The following RTN4 variants were observed in gnomAD, a reference collection of about 807,000 sequenced individuals.
RTN4 encodes reticulon 4, also known as reticulon-4.
A neutral mutation model predicts 90.4 loss-of-function variants in RTN4; 32 were observed. The ratio of observed to expected loss-of-function variants is 0.35; its 90% CI spans 0.27 to 0.48. RTN4 has a LOEUF of 0.48. RTN4 is among the 20% of genes least tolerant of loss of function. RTN4 has a pLI of 0.99. For synonymous variants in RTN4, 629 were observed against 552.5 expected (o/e 1.14, Z -1.94); for missense variants, 1,706 against 1,430.2 (o/e 1.19, Z -3.11).
Position 54,989,129 on chromosome 2 carries a change from T to G in RTN4, c.3014-1431A>C, listed in dbSNP as rs562521359. On this transcript the variant is annotated intron_variant, in intron 3 of 8. Coordinates refer to ENST00000337526, the MANE Select transcript of RTN4 (RefSeq NM_020532.5). ...AAGGGTACTTCTGTAGGGAAAACTA[T>G]GTATGTGAACTGCACAATGTTGGAT... Among the ~76,000 whole-genome samples, 6 of 152,216 alleles carry G rather than the reference T, an allele frequency of 3.9e-5. No homozygotes were observed. In the South Asian group the frequency reaches 1.2e-3, roughly 31 times the overall value.
intron 1 of RTN4, among the ~76,000 whole-genome samples, chr2:55,030,047 C>A (rs547968534): frequency 5.5e-4 from 83 of 152,170 alleles, no homozygotes; most frequent in African/African-American, 1.9e-3. Flanking sequence ...CAATTCTTAA[C>A]AAAATGGTTG....
At chr2:54,993,074 G>GAAA (rs1491430691) in intron 3 of RTN4, among the ~76,000 whole-genome samples, 8 of 78,990 alleles carry the variant, frequency 1.0e-4, no homozygotes, top group African/African-American at 2.8e-4. Context: ...ACTCCATCTC[G>GAAA]GAAAAAAAAA....
chr2:55,125,441 T>A, the RTN4 span, among the ~76,000 whole-genome samples: 2 of 152,138 alleles, frequency 1.3e-5, no homozygotes, highest in African/African-American at 4.8e-5. Context: ...CATTAAAAAG[T>A]GGGCGAAGGA....
At chr2:55,127,662 C>G in the RTN4 span, among the ~76,000 whole-genome samples, 31 of 152,324 alleles carry the variant, frequency 2.0e-4, no homozygotes, top group African/African-American at 7.5e-4. Flanking sequence ...GAGGCCTTGG[C>G]TCACTGATTG....
chr2:55,048,476 T>C (rs10206953), intron 1 of RTN4, among the ~76,000 whole-genome samples: 1 of 152,080 alleles, frequency 6.6e-6, no homozygotes, highest in African/African-American at 2.4e-5. Context: ...AAATTTTATA[T>C]TCTTATTCTA....
intron 1 of RTN4, among the ~76,000 whole-genome samples, chr2:55,111,012 G>A (rs771892498): frequency 6.6e-6 from 1 of 152,168 alleles, no homozygotes; most frequent in Admixed American, 6.5e-5. Flanking sequence ...CGGTACTCCA[G>A]CCGGGGCAAC....
intron 2 of RTN4, among the ~76,000 whole-genome samples, chr2:55,058,018 G>T (rs561642184): frequency 7.2e-5 from 11 of 152,062 alleles, no homozygotes; most frequent in African/African-American, 2.7e-4. Context: ...GTAGTTCAGT[G>T]GGTTTTGATC....
At chr2:55,020,995 C>T (rs1054531344) in intron 3 of RTN4, among the ~76,000 whole-genome samples, 2 of 151,242 alleles carry the variant, frequency 1.3e-5, no homozygotes, top group Admixed American at 6.6e-5. Flanking sequence ...GAACCTGTCT[C>T]GAAAAAAGAA....
At position 55,006,295 on chromosome 2, in the gene RTN4, T is replaced by G. The variant is rs1460077679; in HGVS notation, c.3014-18597A>C. On this transcript the variant is annotated intron_variant, in intron 3 of 8. Coordinates refer to ENST00000337526, the MANE Select transcript of RTN4 (RefSeq NM_020532.5). ...TAATGAATGCCTAAATATTCGGTTTTAACAAAGTTTAGAACTGAAAGGAGA... is the reference window on the plus strand; with the variant it reads ...TAATGAATGCCTAAATATTCGGTTTGAACAAAGTTTAGAACTGAAAGGAGA... Among the ~76,000 whole-genome samples, 5 of 152,310 alleles carry G rather than the reference T, an allele frequency of 3.3e-5. No homozygotes were observed. The East Asian group carries it at 9.6e-4, about 29-fold the overall frequency.
chr2:54,978,390 C>T (rs182888296), intron 5 of RTN4, among the ~76,000 whole-genome samples: 310 of 146,940 alleles, frequency 2.1e-3, no homozygotes, highest in African/African-American at 7.5e-3. Context: ...AAGATCGCAC[C>T]ACCGCCCTCC....
upstream of RTN4, among the ~76,000 whole-genome samples, chr2:55,053,707 A>AG (rs34840134): frequency 1.3e-5 from 2 of 151,600 alleles, no homozygotes; most frequent in East Asian, 3.9e-4. Flanking sequence ...AAAAAAAAAA[A>AG]GAAACAAAGA....
intron 1 of RTN4, among the ~76,000 whole-genome samples, chr2:55,085,318 C>A (rs945963900): frequency 7.0e-6 from 1 of 142,722 alleles, no homozygotes; most frequent in African/African-American, 2.5e-5. Context: ...TATACACCCA[C>A]ACACACACAC....
At chr2:55,057,419 G>C (rs1668208716) in intron 2 of RTN4, among the ~76,000 whole-genome samples, 1 of 152,164 alleles carries the variant, frequency 6.6e-6, no homozygotes, top group Non-Finnish European at 1.5e-5. Context: ...TTGAAGTAAG[G>C]ATTTGTGTTA....
chr2:54,983,925 C>T (rs1276208145), intron 4 of RTN4, among the ~76,000 whole-genome samples: 1 of 152,198 alleles, frequency 6.6e-6, no homozygotes, highest in Non-Finnish European at 1.5e-5. Context: ...TTCTGTGATT[C>T]TATGACTCCA....
intron 3 of RTN4, among the ~76,000 whole-genome samples, chr2:55,022,929 A>ACACACACACACACACACACACACAC (rs1174140956): frequency 6.7e-6 from 1 of 149,850 alleles, no homozygotes; most frequent in African/African-American, 2.5e-5. Flanking sequence ...ACACACACAC[A>ACACACACACACACACACACACACAC]CCCTGCTCTC....
intron 1 of RTN4, among the ~76,000 whole-genome samples, chr2:55,099,102 T>C (rs900641208): frequency 6.6e-6 from 1 of 152,132 alleles, no homozygotes; most frequent in African/African-American, 2.4e-5. Context: ...CTATTACTCC[T>C]TTGTTGTTTA....
At chr2:55,022,409 G>A (rs1023291403) in intron 3 of RTN4, among the ~76,000 whole-genome samples, 1 of 151,898 alleles carries the variant, frequency 6.6e-6, no homozygotes, top group Non-Finnish European at 1.5e-5. Flanking sequence ...CCTTTACCTC[G>A]CCTTCACTAA....
At position 54,973,571 on chromosome 2, in the gene RTN4, AG is replaced by A; in HGVS notation, c.3527del (p.Ala1176ValfsTer12). 1 of 1,607,278 alleles carries A rather than the reference AG, an allele frequency of 6.2e-7. No homozygotes were observed. The highest frequency in any genetic ancestry group is 8.5e-7 in the Non-Finnish European group (1 of 1,173,872). On this transcript the variant is annotated frameshift_variant, in exon 8 of 9. Coordinates refer to ENST00000337526, the MANE Select transcript of RTN4 (RefSeq NM_020532.5). LOFTEE classifies it high-confidence loss of function. ...AGATTTTAAATACTTACTTAGCCATAGCATCTTTAACATTCTTATTTGCAAG... is the reference window on the plus strand; with the variant it reads ...AGATTTTAAATACTTACTTAGCCATACATCTTTAACATTCTTATTTGCAAG... ...LGLANKNVKD[A>X]MAKIQAKIPG...
At chr2:55,087,430 A>G (rs1668861592) in intron 1 of RTN4, among the ~76,000 whole-genome samples, 1 of 152,244 alleles carries the variant, frequency 6.6e-6, no homozygotes, top group Non-Finnish European at 1.5e-5. Context: ...CATACAATGT[A>G]TAACATTGGT....
Sources: gnomAD v4.1 joint callset for allele counts (sites outside exome capture counted in the v4.1 genomes callset) on GRCh38, gnomAD v4.1.1 for gene constraint, MANE v1.5 for transcripts, NCBI Gene and HGNC (gene_info 2026-07-23, HGNC 2026-07-21) for gene names.